Variants in RBPMS observed in about 807,000 individuals in gnomAD.
The protein encoded by RBPMS is RNA-binding protein with multiple splicing.
In RBPMS, 7 loss-of-function variants were observed where a neutral mutation model predicts 26.8. The ratio of observed to expected loss-of-function variants is 0.26; its 90% CI spans 0.15 to 0.49. The LOEUF (loss-of-function observed/expected upper bound fraction) is 0.49, where lower values mean the gene tolerates loss of function less well. RBPMS is among the 20% of genes least tolerant of loss of function. The probability of loss-of-function intolerance (pLI) is 0.98; values close to 1 mark genes in which losing one functional copy is unlikely to be tolerated. For synonymous variants in RBPMS, 96 were observed against 93.3 expected, an observed-to-expected ratio of 1.03 and a Z score of -0.17; for missense variants, 186 against 250.0, an observed-to-expected ratio of 0.74 and a Z score of 1.73.
intron 5 of RBPMS, among the ~76,000 whole-genome samples, chr8:30,521,932 CA>C (rs1359029280): frequency 6.6e-6 from 1 of 151,974 alleles, no homozygotes; most frequent in East Asian, 1.9e-4. Flanking sequence ...AAATGTCGGT[CA>C]AAAGAAACAA....
intron 1 of RBPMS, among the ~76,000 whole-genome samples, chr8:30,428,637 G>A (rs150056891): frequency 3.9e-5 from 6 of 152,206 alleles, no homozygotes; most frequent in African/African-American, 1.4e-4. Flanking sequence ...ATAAAATAAA[G>A]AAATCTAAAT....
At chr8:30,476,871 G>A (rs1263426318) in intron 2 of RBPMS, among the ~76,000 whole-genome samples, 2 of 152,110 alleles carry the variant, frequency 1.3e-5, no homozygotes, top group Non-Finnish European at 2.9e-5. Context: ...GGGAGGGAGT[G>A]TTTCTGTCTT....
intron 1 of RBPMS, among the ~76,000 whole-genome samples, chr8:30,441,956 A>C (rs1563321370): frequency 6.6e-6 from 1 of 152,022 alleles, no homozygotes; most frequent in East Asian, 1.9e-4. Context: ...GGTCCAGCTA[A>C]TTTTTTTATT....
chr8:30,387,081 TCTTA>T (rs1470968600), intron 1 of RBPMS: 1 of 152,180 alleles, frequency 6.6e-6, no homozygotes, highest in Admixed American at 6.5e-5. Context: ...AGTTGCTGCC[TCTTA>T]CTTGTCCTGT....
chr8:30,430,862 T>C (rs1320335947), intron 1 of RBPMS, among the ~76,000 whole-genome samples: 1 of 152,230 alleles, frequency 6.6e-6, no homozygotes, highest in African/African-American at 2.4e-5. Context: ...ATATATCAAA[T>C]GCCTACCATG....
At chr8:30,419,266 C>T (rs1166671123) in intron 1 of RBPMS, among the ~76,000 whole-genome samples, 2 of 151,922 alleles carry the variant, frequency 1.3e-5, no homozygotes, top group Admixed American at 6.6e-5. Flanking sequence ...GCCAACATGG[C>T]GAAACCCCAT....
At chr8:30,474,988 G>T in intron 2 of RBPMS, 132 bp downstream of exon 2, 1 of 637,302 alleles carries the variant, frequency 1.6e-6, no homozygotes, top group South Asian at 1.9e-5. Flanking sequence ...GAGTAAAGGA[G>T]ATTTAACAAC....
chr8:30,388,150 C>T (rs1807336084), intron 1 of RBPMS, among the ~76,000 whole-genome samples: 1 of 151,934 alleles, frequency 6.6e-6, no homozygotes, highest in South Asian at 2.1e-4. Context: ...GCAAGTTGTC[C>T]TGTAAAGACT....
intron 5 of RBPMS, among the ~76,000 whole-genome samples, chr8:30,505,357 T>C (rs1251885934): frequency 2.6e-5 from 4 of 152,190 alleles, no homozygotes; most frequent in East Asian, 3.8e-4. Context: ...ACTCTTCTTA[T>C]TGAAATTGAA....
chr8:30,445,879 G>A (rs994149993), intron 1 of RBPMS, among the ~76,000 whole-genome samples: 1 of 151,854 alleles, frequency 6.6e-6, no homozygotes, highest in Non-Finnish European at 1.5e-5. Context: ...GCCCCAGGCT[G>A]TTCTGGAACT....
At chr8:30,475,883 G>A (rs10098177) in intron 2 of RBPMS, among the ~76,000 whole-genome samples, 4,215 of 152,256 alleles carry the variant, frequency 0.028, 228 homozygotes, top group African/African-American at 0.097. Context: ...ATGGCACAGG[G>A]AAACAGAGGT....
At chr8:30,519,759 C>CT (rs1240065415) in intron 5 of RBPMS, among the ~76,000 whole-genome samples, 10 of 152,106 alleles carry the variant, frequency 6.6e-5, no homozygotes, top group African/African-American at 9.7e-5. Context: ...TCCCAAAGTG[C>CT]TGGGATTACA....
chr8:30,497,791 T>A (rs1820140830), intron 4 of RBPMS, among the ~76,000 whole-genome samples: 1 of 151,304 alleles, frequency 6.6e-6, no homozygotes, highest in Non-Finnish European at 1.5e-5. Context: ...CCTGGCTAAT[T>A]TTTTGTATTT....
intron 5 of RBPMS, among the ~76,000 whole-genome samples, chr8:30,511,486 AATATATATATATAT>A (rs869100800): frequency 0.03 from 701 of 23,446 alleles, 17 homozygotes; most frequent in African/African-American, 0.096. Context: ...AAAAAAAAAA[AATATATATATATAT>A]ATATATATAT....
chr8:30,492,243 G>A (rs749493727), intron 4 of RBPMS, among the ~76,000 whole-genome samples: 1 of 152,130 alleles, frequency 6.6e-6, no homozygotes, highest in Non-Finnish European at 1.5e-5. Flanking sequence ...ATTACACAGT[G>A]TTAATTATTC....
At position 30,572,223 on chromosome 8, in the gene RBPMS, T is replaced by C. The variant is rs936446862; in HGVS notation, c.*1698T>C. 6.6e-6 allele frequency: 1 copy of C among 152,236 alleles called. No homozygotes were observed. The highest frequency in any genetic ancestry group is 1.5e-5 in the Non-Finnish European group (1 of 68,052). The allele number at this position is 152,236 out of a possible 1,614,324, so 9.4% of individuals were successfully genotyped here. A position where few individuals can be genotyped will look rare whatever the true frequency, so the allele number is the denominator to read the frequency against. On this transcript the variant is annotated 3_prime_UTR_variant, in exon 9 of 9. Coordinates refer to ENST00000397323, the MANE Select transcript of RBPMS (RefSeq NM_001008710.3). ...GTTTAAAGGTACTTTTCTATTGTCA[T>C]TTTTAAAAAATAAAGTGCTTATTCC... is the stretch of plus-strand genomic sequence containing the variant.
chr8:30,556,839 C>G, intron 6 of RBPMS: 1 of 920,690 alleles, frequency 1.1e-6, no homozygotes, highest in African/African-American at 1.8e-5. Flanking sequence ...CCTCCCTCTC[C>G]TCCCCTAGAC....
intron 7 of RBPMS, among the ~76,000 whole-genome samples, chr8:30,563,723 G>T (rs1214402183): frequency 2.0e-5 from 3 of 152,204 alleles, no homozygotes; most frequent in East Asian, 1.9e-4. Context: ...ATCCTCAGTA[G>T]AGTCCCAGGT....
chr8:30,494,823 G>C (rs988511643), intron 4 of RBPMS, among the ~76,000 whole-genome samples: 2 of 152,140 alleles, frequency 1.3e-5, no homozygotes, highest in Non-Finnish European at 2.9e-5. Context: ...TCTAGGTTCG[G>C]GGGCAGACAT....
Sources: allele counts gnomAD v4.1 joint callset (sites outside exome capture counted in the v4.1 genomes callset), GRCh38; gene constraint gnomAD v4.1.1; transcripts MANE v1.5; gene names NCBI Gene and HGNC (gene_info 2026-07-23, HGNC 2026-07-21).